Variants in CLVS2 observed in about 807,000 individuals in gnomAD.
CLVS2 encodes the protein clavesin-2.
Under a neutral mutation model 29.0 loss-of-function variants are expected in CLVS2, and 19 were observed. The ratio of observed to expected loss-of-function variants is 0.66; its 90% CI spans 0.46 to 0.96. CLVS2 has a LOEUF of 0.96. Among genes scored for constraint, CLVS2 ranks in the 40% least tolerant of loss-of-function variants. CLVS2 has a pLI of 0.00. For synonymous variants in CLVS2, 161 were observed against 151.3 expected, an observed-to-expected ratio of 1.06 and a Z score of -0.47; for missense variants, 294 against 404.1, an observed-to-expected ratio of 0.73 and a Z score of 2.34.
chr6:123,053,031 CA>C (rs1772636544), intron 4 of CLVS2, among the ~76,000 whole-genome samples: 1 of 135,546 alleles, frequency 7.4e-6, no homozygotes, highest in South Asian at 2.6e-4. Context: ...AGACTGAGAC[CA>C]GTAGTTCTCC....
intron 3 of CLVS2, among the ~76,000 whole-genome samples, chr6:123,044,038 T>C (rs141082492): frequency 6.6e-6 from 1 of 152,236 alleles, no homozygotes; most frequent in African/African-American, 2.4e-5. Flanking sequence ...ATTGAAGCAT[T>C]GAGGCAAGTC....
chr6:123,019,482 T>C (rs1774891213), intron 3 of CLVS2, among the ~76,000 whole-genome samples: 1 of 152,020 alleles, frequency 6.6e-6, no homozygotes, highest in Non-Finnish European at 1.5e-5. Context: ...TAGCTTTGCA[T>C]AGGTTAAGGG....
chr6:123,043,806 A>G (rs1002000919), intron 3 of CLVS2, among the ~76,000 whole-genome samples: 1 of 152,218 alleles, frequency 6.6e-6, no homozygotes, highest in Non-Finnish European at 1.5e-5. Context: ...AATAGTATTT[A>G]TCCTAACACA....
chr6:123,013,112 C>T (rs1774774799), intron 3 of CLVS2, among the ~76,000 whole-genome samples: 1 of 152,040 alleles, frequency 6.6e-6, no homozygotes, highest in African/African-American at 2.4e-5. Context: ...TGCATGATCT[C>T]ATATTTAGTC....
intron 3 of CLVS2, among the ~76,000 whole-genome samples, chr6:123,041,257 A>G (rs1775229201): frequency 6.6e-6 from 1 of 152,146 alleles, no homozygotes; most frequent in Non-Finnish European, 1.5e-5. Context: ...CCCTGTCCAA[A>G]CTATAAATAG....
At chr6:123,031,668 A>G (rs985724309) in intron 3 of CLVS2, among the ~76,000 whole-genome samples, 1 of 152,198 alleles carries the variant, frequency 6.6e-6, no homozygotes, top group African/African-American at 2.4e-5. Flanking sequence ...TTATGCCTCA[A>G]TAGAGCTGGG....
intron 4 of CLVS2, 108 bp from the exon 5 acceptor site, chr6:123,055,698 G>A: frequency 1.3e-6 from 1 of 766,150 alleles, no homozygotes; most frequent in East Asian, 2.5e-5. Context: ...TAACAGACAT[G>A]CGAAACTCAT....
intron 4 of CLVS2, among the ~76,000 whole-genome samples, chr6:123,050,121 G>A (rs1183072796): frequency 6.6e-6 from 1 of 152,140 alleles, no homozygotes; most frequent in Non-Finnish European, 1.5e-5. Flanking sequence ...AGTTTAGGAG[G>A]AAGAATTCTA....
chr6:123,045,319 G>A (rs1466665292), intron 3 of CLVS2, among the ~76,000 whole-genome samples: 2 of 151,982 alleles, frequency 1.3e-5, no homozygotes, highest in Admixed American at 6.6e-5. Flanking sequence ...GGAAGACCTA[G>A]GGCAGTGGAA....
intron 2 of CLVS2, among the ~76,000 whole-genome samples, chr6:123,004,693 A>G (rs896112395): frequency 1.2e-4 from 16 of 132,812 alleles, no homozygotes; most frequent in Non-Finnish European, 1.5e-4. Flanking sequence ...CGTGTAGATC[A>G]CCTGAGGTCA....
chr6:123,039,600 C>T (rs1775200070), intron 3 of CLVS2, among the ~76,000 whole-genome samples: 1 of 152,124 alleles, frequency 6.6e-6, no homozygotes, highest in Non-Finnish European at 1.5e-5. Flanking sequence ...TTGTATCAGG[C>T]ACACACCAGC....
At chr6:123,056,571 G>T (rs1005387773) in intron 5 of CLVS2, among the ~76,000 whole-genome samples, 5 of 152,152 alleles carry the variant, frequency 3.3e-5, no homozygotes, top group Non-Finnish European at 5.9e-5. Context: ...ACTTAGTGTT[G>T]TTCCAAATTC....
At chr6:123,015,222 C>A (rs1482065798) in intron 3 of CLVS2, among the ~76,000 whole-genome samples, 1 of 151,896 alleles carries the variant, frequency 6.6e-6, no homozygotes, top group African/African-American at 2.4e-5. Flanking sequence ...TGAACCCTGG[C>A]TCTATGGCAT....
chr6:123,050,472 C>G (rs1225667468), intron 4 of CLVS2, among the ~76,000 whole-genome samples: 2 of 152,112 alleles, frequency 1.3e-5, no homozygotes, highest in Non-Finnish European at 2.9e-5. Flanking sequence ...CCAATTTGCT[C>G]TGAATCACAG....
At chr6:123,046,363 A>C (rs1308048164) in intron 3 of CLVS2, among the ~76,000 whole-genome samples, 1 of 152,146 alleles carries the variant, frequency 6.6e-6, no homozygotes, top group Non-Finnish European at 1.5e-5. Flanking sequence ...TCAAAGTTTA[A>C]GAATCATTTG....
At position 123,066,651 on chromosome 6, in the gene CLVS2, T is replaced by C. The variant is rs1303228695; in HGVS notation, c.*2890T>C. ...AACTTCTCTTATGTTGTCAGTGATG[T>C]TTGCCTGCATTTTTGACTACTATTT... is the stretch of plus-strand genomic sequence containing the variant. On this transcript the variant is annotated 3_prime_UTR_variant, in exon 6 of 6. Coordinates refer to ENST00000275162, the MANE Select transcript of CLVS2 (RefSeq NM_001010852.4). The C allele has an allele frequency of 6.6e-6, 1 of 151,780 alleles. No individual in the cohort carries two copies. Among genetic ancestry groups the C allele is most frequent in the Non-Finnish European group, 1.5e-5 (1 of 67,758 alleles). 9.4% of individuals were successfully genotyped at this position (151,780 alleles called of 1,614,324 possible).
At chr6:123,036,440 T>C (rs938979365) in intron 3 of CLVS2, among the ~76,000 whole-genome samples, 1 of 152,162 alleles carries the variant, frequency 6.6e-6, no homozygotes, top group African/African-American at 2.4e-5. Flanking sequence ...CTCAGTAAAA[T>C]CTTTGAAGCA....
At chr6:123,051,009 A>T (rs370372900) in intron 4 of CLVS2, among the ~76,000 whole-genome samples, 1 of 152,190 alleles carries the variant, frequency 6.6e-6, no homozygotes, top group African/African-American at 2.4e-5. Context: ...GGAAATTTTC[A>T]TATGAGAAAA....
At chr6:123,054,936 A>C (rs1475591096) in intron 4 of CLVS2, among the ~76,000 whole-genome samples, 1 of 152,142 alleles carries the variant, frequency 6.6e-6, no homozygotes, top group Non-Finnish European at 1.5e-5. Context: ...TGAGGGTTAA[A>C]GATATATAAG....
Sources: gnomAD v4.1 joint callset for allele counts (sites outside exome capture counted in the v4.1 genomes callset) on GRCh38, gnomAD v4.1.1 for gene constraint, MANE v1.5 for transcripts, NCBI Gene and HGNC (gene_info 2026-07-23, HGNC 2026-07-21) for gene names.